Variants in SNX25 observed in about 807,000 individuals in gnomAD.
SNX25 encodes the protein sorting nexin-25.
SNX25 carries 62 observed loss-of-function variants against 113.7 expected under a neutral mutation model. The observed-to-expected ratio is 0.55, with a 90% CI of 0.44 to 0.67. The LOEUF (loss-of-function observed/expected upper bound fraction) is 0.67, where lower values mean the gene tolerates loss of function less well. Among genes scored for constraint, SNX25 ranks in the 30% least tolerant of loss-of-function variants. The pLI, the probability that SNX25 is intolerant of heterozygous loss-of-function variation, is 0.00. For missense variants in SNX25, 1,014 were observed against 1,161.0 expected (o/e 0.87, Z 1.84); for synonymous variants, 421 against 436.2 (o/e 0.97, Z 0.43).
At chr4:185,263,424 G>GTAT (rs1020218713) in intron 3 of SNX25, among the ~76,000 whole-genome samples, 1 of 152,180 alleles carries the variant, frequency 6.6e-6, no homozygotes, top group African/African-American at 2.4e-5. Context: ...CAGCGTATCA[G>GTAT]TATATGCATA....
At chr4:185,330,536 A>T (rs2095187119) in intron 9 of SNX25, among the ~76,000 whole-genome samples, 1 of 152,224 alleles carries the variant, frequency 6.6e-6, no homozygotes. Flanking sequence ...TAGCATATGC[A>T]ATCATTTTGG....
rs574586816 is a variant in SNX25 at position 185,277,788 on chromosome 4, A to T, written c.1092-10224A>T. The stretch of plus-strand genomic sequence containing the variant: ...CGCTCTGTCGCCCAGGCTGGAGTGC[A>T]GTGGCGGGATCTCGGCTCACTGCAA... On this transcript the variant is annotated intron_variant, in intron 5 of 18. Coordinates refer to ENST00000652585, the MANE Select transcript of SNX25 (RefSeq NM_001378034.2). Among the ~76,000 whole-genome samples, 19 of 32,838 alleles carry T rather than the reference A, an allele frequency of 5.8e-4. 4 individuals are homozygous for T. The South Asian group carries it at 0.023, about 41-fold the overall frequency. The allele number at this position is 32,838 out of a possible 152,430, so 21.5% of individuals were successfully genotyped here. A position where few individuals can be genotyped will look rare whatever the true frequency, so the allele number is the denominator to read the frequency against.
intron 6 of SNX25, among the ~76,000 whole-genome samples, chr4:185,294,878 T>C (rs1396600765): frequency 6.6e-6 from 1 of 152,196 alleles, no homozygotes; most frequent in Non-Finnish European, 1.5e-5. Flanking sequence ...TCCTTACTTT[T>C]TCTTTTAACT....
At chr4:185,301,805 T>A (rs1360527226) in intron 6 of SNX25, among the ~76,000 whole-genome samples, 4 of 152,162 alleles carry the variant, frequency 2.6e-5, no homozygotes, top group Non-Finnish European at 5.9e-5. Context: ...CAGACTGGTC[T>A]CGAACTCCTG....
At chr4:185,358,240 T>G (rs2095347473) in intron 16 of SNX25, among the ~76,000 whole-genome samples, 1 of 152,192 alleles carries the variant, frequency 6.6e-6, no homozygotes, top group South Asian at 2.1e-4. Flanking sequence ...CACTGGGGTG[T>G]GTGTGTGGCC....
chr4:185,365,516 C>T (rs112573976), downstream of SNX25: 2,707 of 151,750 alleles, frequency 0.018, 86 homozygotes, highest in African/African-American at 0.063. Context: ...CCATCACGCC[C>T]GGCTAATTTT....
rs1250505246 is a variant in SNX25 at position 185,346,635 on chromosome 4, A to G, written c.2286A>G (p.Leu762=). ...TTATGGAAAAGTCGAAGAATCAATT[A>G]AATAAGTTTTTACAGGTAAGCAAGT... is the stretch of plus-strand genomic sequence containing the variant. The part of the protein sequence containing the change: ...QKFMEKSKNQ[L]NKFLQNLLSD... The change falls in exon 13 of 19, where the codon TTA becomes TTG. Residue 762 remains leucine (L), a synonymous_variant. Transcript: ENST00000652585. The G allele has an allele frequency of 1.3e-6, 2 of 1,579,838 alleles. No individual in the cohort carries two copies. Among genetic ancestry groups the G allele is most frequent in the Non-Finnish European group, 1.7e-6 (2 of 1,168,824 alleles).
chr4:185,257,124 T>G (rs3108227), intron 2 of SNX25, among the ~76,000 whole-genome samples: 67,651 of 149,472 alleles, frequency 0.45, 16,223 homozygotes, highest in East Asian at 0.57. Flanking sequence ...GATAAATTAT[T>G]TATCTGAAAT....
intron 6 of SNX25, among the ~76,000 whole-genome samples, chr4:185,301,346 C>T (rs1753647077): frequency 6.6e-6 from 1 of 152,166 alleles, no homozygotes; most frequent in Admixed American, 6.5e-5. Context: ...CGTACCTTGC[C>T]TTGTGCATCT....
intron 9 of SNX25, among the ~76,000 whole-genome samples, chr4:185,330,903 A>G (rs1040616157): frequency 6.6e-6 from 1 of 152,146 alleles, no homozygotes; most frequent in Non-Finnish European, 1.5e-5. Context: ...TGTTGTATCT[A>G]TGTTATCTCT....
At chr4:185,262,914 T>C (rs1043537105) in intron 3 of SNX25, among the ~76,000 whole-genome samples, 1 of 152,212 alleles carries the variant, frequency 6.6e-6, no homozygotes, top group Non-Finnish European at 1.5e-5. Flanking sequence ...CTCGTGGTGC[T>C]TTCTTGGCTT....
At chr4:185,216,767 C>A (rs1713669675) in intron 1 of SNX25, among the ~76,000 whole-genome samples, 1 of 151,918 alleles carries the variant, frequency 6.6e-6, no homozygotes, top group African/African-American at 2.4e-5. Flanking sequence ...ATGATCCACC[C>A]GCCTTGGCCT....
chr4:185,375,242 A>G, the SNX25 span, among the ~76,000 whole-genome samples: 1 of 150,460 alleles, frequency 6.6e-6, no homozygotes, highest in Non-Finnish European at 1.5e-5. Flanking sequence ...TGCCTGGCTA[A>G]TTTTTGTATT....
At chr4:185,249,683 AT>A (rs70962560) in intron 2 of SNX25, among the ~76,000 whole-genome samples, 1 of 151,182 alleles carries the variant, frequency 6.6e-6, no homozygotes, top group South Asian at 2.1e-4. Context: ...AAGTTCACCA[AT>A]TTTTTTTCTG....
At chr4:185,254,924 A>G (rs955552917) in intron 2 of SNX25, among the ~76,000 whole-genome samples, 2 of 151,426 alleles carry the variant, frequency 1.3e-5, no homozygotes, top group Admixed American at 6.6e-5. Context: ...TTGTTTCTGT[A>G]TATTTCTTTT....
At chr4:185,375,698 A>G in the SNX25 span, 1 of 1,610,708 alleles carries the variant, frequency 6.2e-7, no homozygotes, top group South Asian at 1.1e-5. Flanking sequence ...GATTTCTTCA[A>G]ACTGTTCTAA....
intron 1 of SNX25, among the ~76,000 whole-genome samples, chr4:185,221,811 T>C (rs1384266530): frequency 6.6e-6 from 1 of 152,094 alleles, no homozygotes; most frequent in Non-Finnish European, 1.5e-5. Context: ...TTGAGCATGC[T>C]GCTGCCCCCT....
At chr4:185,351,408 TC>T in intron 13 of SNX25, 36 bp from the exon 14 acceptor site, 2 of 1,600,356 alleles carry the variant, frequency 1.2e-6, no homozygotes, top group Non-Finnish European at 1.7e-6. Flanking sequence ...ACAGATAGTT[TC>T]CCACACTGGA....
rs1351649726 is a variant in SNX25 at position 185,209,811 on chromosome 4, C to A, written c.-16C>A. 8.1e-6 allele frequency: 8 copies of A among 983,730 alleles called. No homozygotes were observed. Among genetic ancestry groups the A allele is most frequent in the Non-Finnish European group, 8.4e-6 (7 of 829,364 alleles). The allele number at this position is 983,730 out of a possible 1,614,324, so 60.9% of individuals were successfully genotyped here. On this transcript the variant is annotated 5_prime_UTR_variant, in exon 1 of 19. Transcript: ENST00000652585. The surrounding 1 kb of genome is among the most constrained non-coding windows in gnomAD (Gnocchi z 5.2). ...GGGCAGGAGATGTGCCTGTCCTTAG[C>A]GGCCCAGGAAGCAGCATGCACCCCG... is the stretch of plus-strand genomic sequence containing the variant.
Sources: gnomAD v4.1 joint callset for allele counts (sites outside exome capture counted in the v4.1 genomes callset) on GRCh38, gnomAD v4.1.1 for gene constraint, Gnocchi (gnomAD v3.1) non-coding constraint, MANE v1.5 for transcripts, NCBI Gene and HGNC (gene_info 2026-07-23, HGNC 2026-07-21) for gene names.